ADCY2: variants seen among roughly 807,000 people sequenced by gnomAD.
ADCY2 encodes adenylate cyclase 2.
Under a neutral mutation model 125.2 loss-of-function variants are expected in ADCY2, and 31 were observed. The ratio of observed to expected loss-of-function variants is 0.25; its 90% CI spans 0.19 to 0.33. The LOEUF (loss-of-function observed/expected upper bound fraction) is 0.33. Ranked by LOEUF, ADCY2 falls within the 10% of genes least tolerant of loss-of-function variation. ADCY2 has a pLI of 1.00. For synonymous variants in ADCY2, 512 were observed against 548.4 expected (o/e 0.93, Z 0.93); for missense variants, 904 against 1,418.2 (o/e 0.64, Z 5.82).
intron 3 of ADCY2, among the ~76,000 whole-genome samples, chr5:7,618,615 G>A (rs1183878946): frequency 6.6e-6 from 1 of 152,126 alleles, no homozygotes; most frequent in Non-Finnish European, 1.5e-5. Context: ...AGTGGTTGTG[G>A]ACCACATGTG....
At chr5:7,633,464 AT>A (rs1287648422) in intron 4 of ADCY2, among the ~76,000 whole-genome samples, 3 of 152,002 alleles carry the variant, frequency 2.0e-5, no homozygotes, top group African/African-American at 7.2e-5. Context: ...AAATATAGAC[AT>A]TTTGCTTTAA....
intron 2 of ADCY2, among the ~76,000 whole-genome samples, chr5:7,469,820 C>T (rs2126454345): frequency 6.6e-6 from 1 of 151,818 alleles, no homozygotes; most frequent in African/African-American, 2.4e-5. Flanking sequence ...AATAATAACT[C>T]TTCCTATATA....
chr5:7,529,916 A>G (rs1734588151), intron 3 of ADCY2, among the ~76,000 whole-genome samples: 1 of 152,242 alleles, frequency 6.6e-6, no homozygotes, highest in Non-Finnish European at 1.5e-5. Context: ...TTGGACTTGC[A>G]TAGCAGGTTA....
At position 7,812,520 on chromosome 5, in the gene ADCY2, C is replaced by A. The variant is rs542296144; in HGVS notation, c.2884-4346C>A. ...TCAAGCAGAGTGACATGCATCTCTACACTATCATGAAGGAGACTAAGACCC... is the reference window on the plus strand; with the variant it reads ...TCAAGCAGAGTGACATGCATCTCTAAACTATCATGAAGGAGACTAAGACCC... On this transcript the variant is annotated intron_variant, in intron 22 of 24. Transcript: ENST00000338316. Among the ~76,000 whole-genome samples, 5 of 152,290 alleles carry A rather than the reference C, an allele frequency of 3.3e-5. No homozygotes were observed. In the South Asian group the frequency reaches 1.0e-3, roughly 32 times the overall value.
At chr5:7,451,346 G>A (rs185704323) in intron 2 of ADCY2, among the ~76,000 whole-genome samples, 11 of 152,250 alleles carry the variant, frequency 7.2e-5, no homozygotes, top group South Asian at 4.2e-4. Context: ...GGGTGACTTC[G>A]TCTTTGTTCA....
intron 2 of ADCY2, among the ~76,000 whole-genome samples, chr5:7,496,720 C>T (rs978558816): frequency 6.6e-6 from 1 of 152,092 alleles, no homozygotes; most frequent in Non-Finnish European, 1.5e-5. Context: ...CAATTGAAAA[C>T]CACTAGCATT....
intron 14 of ADCY2, among the ~76,000 whole-genome samples, chr5:7,739,783 C>T (rs1284437855): frequency 1.3e-5 from 2 of 151,812 alleles, no homozygotes; most frequent in East Asian, 1.9e-4. Context: ...ATATGAAATG[C>T]CATAAATTAC....
chr5:7,502,456 G>A (rs969924207), intron 2 of ADCY2, among the ~76,000 whole-genome samples: 2 of 152,270 alleles, frequency 1.3e-5, no homozygotes, highest in East Asian at 3.9e-4. Flanking sequence ...TACTCCCACC[G>A]TGGACCAGGA....
chr5:7,711,756 C>T (rs958979099), intron 10 of ADCY2, among the ~76,000 whole-genome samples: 1 of 152,162 alleles, frequency 6.6e-6, no homozygotes, highest in Non-Finnish European at 1.5e-5. Flanking sequence ...ACCTCTTGAA[C>T]GAACTCTATT....
At chr5:7,475,855 G>C (rs369697354) in intron 2 of ADCY2, among the ~76,000 whole-genome samples, 46 of 152,284 alleles carry the variant, frequency 3.0e-4, no homozygotes, top group African/African-American at 1.1e-3. Flanking sequence ...TGATGTTTTG[G>C]AGATCTAAAG....
intron 2 of ADCY2, among the ~76,000 whole-genome samples, chr5:7,421,628 A>G (rs1024523140): frequency 6.6e-6 from 1 of 152,094 alleles, no homozygotes; most frequent in Admixed American, 6.5e-5. Context: ...ACACAGTTCA[A>G]CTCCTAACTG....
At chr5:7,644,865 T>C (rs1205050119) in intron 4 of ADCY2, among the ~76,000 whole-genome samples, 1 of 152,172 alleles carries the variant, frequency 6.6e-6, no homozygotes, top group East Asian at 1.9e-4. Context: ...ATTCTTGCCA[T>C]ACAGTAGTAT....
At chr5:7,668,448 A>G (rs1035640604) in intron 4 of ADCY2, among the ~76,000 whole-genome samples, 1 of 152,242 alleles carries the variant, frequency 6.6e-6, no homozygotes. Context: ...CAATAGACAG[A>G]TAGACAGCAA....
rs2126532572 is a variant in ADCY2, at chr5:7,520,804, A to G, written c.475A>G (p.Ile159Val). 2.5e-6 allele frequency: 4 copies of G among 1,614,178 alleles called. No individual in the cohort carries two copies. The highest frequency in any genetic ancestry group is 1.1e-5 in the South Asian group (1 of 91,066). Residue 159 changes from isoleucine (I) to valine (V), a missense_variant, in exon 3 of 25, where the codon ATC (isoleucine) becomes GTC (valine). By Grantham distance (29) the Ile-to-Val change is conservative. Around this residue, in one of 7 missense-constraint regions of ADCY2, gnomAD observed 121 missense variants for 161.5 expected, o/e 0.75. Transcript: ENST00000338316. Reference protein sequence around the residue: ...TMLPFNMRDAIIASVLTSSSH... With the variant: ...TMLPFNMRDAVIASVLTSSSH... ...GCTGCCCTTCAACATGCGAGACGCC[A>G]TCATTGCCAGCGTCCTCACCTCCTC...
At chr5:7,573,560 C>A (rs1736131910) in intron 3 of ADCY2, among the ~76,000 whole-genome samples, 2 of 142,712 alleles carry the variant, frequency 1.4e-5, no homozygotes, top group Admixed American at 7.0e-5. Flanking sequence ...ACTGGGAAAA[C>A]ATTTGCAGCC....
intron 2 of ADCY2, among the ~76,000 whole-genome samples, chr5:7,435,180 G>C (rs981526945): frequency 6.6e-6 from 1 of 152,160 alleles, no homozygotes; most frequent in Non-Finnish European, 1.5e-5. Context: ...GCTATGTTAC[G>C]TGAAGATTCT....
intron 3 of ADCY2, among the ~76,000 whole-genome samples, chr5:7,540,441 T>G (rs887546270): frequency 6.6e-6 from 1 of 152,186 alleles, no homozygotes; most frequent in African/African-American, 2.4e-5. Context: ...TGTAAGATTT[T>G]TATCCTTTTT....
At chr5:7,667,570 T>A (rs147381761) in intron 4 of ADCY2, among the ~76,000 whole-genome samples, 2 of 152,156 alleles carry the variant, frequency 1.3e-5, no homozygotes, top group African/African-American at 4.8e-5. Context: ...TGTTCAGGAG[T>A]GAAAAGGCCA....
chr5:7,677,234 C>T (rs1470786721), intron 4 of ADCY2, among the ~76,000 whole-genome samples: 14 of 151,968 alleles, frequency 9.2e-5, no homozygotes, highest in Admixed American at 5.2e-4. Context: ...GCCGAGATCA[C>T]GCCACTGCAC....
Sources: allele counts gnomAD v4.1 joint callset (sites outside exome capture counted in the v4.1 genomes callset), GRCh38; gene constraint gnomAD v4.1.1; regional missense constraint gnomAD v4.1.1; transcripts MANE v1.5; gene names NCBI Gene and HGNC (gene_info 2026-07-23, HGNC 2026-07-21).